The following FGF10 variants were observed in gnomAD, a reference collection of about 807,000 sequenced individuals.
FGF10 encodes the protein FGF-10.
A neutral mutation model predicts 19.8 loss-of-function variants in FGF10; 2 were observed. The ratio of observed to expected loss-of-function variants is 0.10; its 90% CI spans 0.04 to 0.32. FGF10 has a LOEUF of 0.32. FGF10 is among the 10% of genes least tolerant of loss of function. The pLI is 1.00. For synonymous variants in FGF10, 112 were observed against 94.0 expected, an observed-to-expected ratio of 1.19 and a Z score of -1.10; for missense variants, 191 against 246.3, an observed-to-expected ratio of 0.78 and a Z score of 1.50.
intron 1 of FGF10, among the ~76,000 whole-genome samples, chr5:44,381,357 A>G (rs1437049401): frequency 6.6e-6 from 1 of 152,208 alleles, no homozygotes; most frequent in Admixed American, 6.5e-5. Context: ...TACGCATCTG[A>G]AAATGTCTAG....
At position 44,353,035 on chromosome 5, in the gene FGF10, A is replaced by G. The variant is rs539879263; in HGVS notation, c.325+35323T>C. ...TGACACAATGCCATCTGTAGGTGCA[A>G]TGAAACCAAATAGTCTCTGTGTTCT... On this transcript the variant is annotated intron_variant, in intron 1 of 2. Transcript: ENST00000264664. Among the ~76,000 whole-genome samples, 10 of 151,758 alleles carry G rather than the reference A, an allele frequency of 6.6e-5. No homozygotes were observed. The South Asian group carries it at 2.1e-3, about 31-fold the overall frequency.
chr5:44,366,127 CTTTTTTTTTTTTT>C (rs35522683), intron 1 of FGF10, among the ~76,000 whole-genome samples: 1 of 74,824 alleles, frequency 1.3e-5, no homozygotes, highest in South Asian at 6.7e-4. Context: ...CAATTATTTC[CTTTTTTTTTTTTT>C]TTTTTTTTTT....
At chr5:44,327,431 T>C (rs776600617) in intron 1 of FGF10, among the ~76,000 whole-genome samples, 13 of 152,166 alleles carry the variant, frequency 8.5e-5, no homozygotes, top group Non-Finnish European at 1.3e-4. Context: ...TTACCCAAGT[T>C]TGCAGTCATA....
chr5:44,355,592 A>G (rs1741328369), intron 1 of FGF10, among the ~76,000 whole-genome samples: 1 of 151,408 alleles, frequency 6.6e-6, no homozygotes, highest in Non-Finnish European at 1.5e-5. Context: ...AGTGCAAAAC[A>G]AAGGAAGACT....
At chr5:44,366,127 C>CCTTTTTT (rs1554039043) in intron 1 of FGF10, among the ~76,000 whole-genome samples, 1 of 74,810 alleles carries the variant, frequency 1.3e-5, no homozygotes, top group African/African-American at 5.1e-5. Flanking sequence ...CAATTATTTC[C>CCTTTTTT]TTTTTTTTTT....
At chr5:44,342,924 A>G (rs1404112700) in intron 1 of FGF10, among the ~76,000 whole-genome samples, 3 of 151,944 alleles carry the variant, frequency 2.0e-5, no homozygotes, top group African/African-American at 7.2e-5. Flanking sequence ...AATGCATCAC[A>G]TAGTTTGGTA....
rs1457591487 is a variant in FGF10, at chr5:44,302,053, G to A, written c.*2942C>T. ...GGGCCTGGGACCATACTCCTACAGA[G>A]GCAGATCTCTCAATAGCTCCAATTT... On this transcript the variant is annotated 3_prime_UTR_variant, in exon 3 of 3. Transcript: ENST00000264664. Among the ~76,000 whole-genome samples the A allele has an allele frequency of 6.6e-6, 1 of 151,740 alleles. No homozygotes were observed. Among genetic ancestry groups the A allele is most frequent in the Non-Finnish European group, 1.5e-5 (1 of 67,964 alleles).
At chr5:44,356,902 TGA>T (rs1261770867) in intron 1 of FGF10, among the ~76,000 whole-genome samples, 1 of 151,152 alleles carries the variant, frequency 6.6e-6, no homozygotes, top group East Asian at 2.0e-4. Flanking sequence ...CAGAATGAGG[TGA>T]GAGAGAAAAG....
In FGF10 at chr5:44,373,136, C is replaced by T. The variant is rs1741779513; in HGVS notation, c.325+15222G>A. ...CAACATTCTCAAAAACTCTGTGGTC[C>T]TCCCATGTATGTCACAGGGATTCAT... On this transcript the variant is annotated intron_variant, in intron 1 of 2. Transcript: ENST00000264664. Among the ~76,000 whole-genome samples the T allele has an allele frequency of 3.3e-5, 5 of 152,268 alleles. No individual in the cohort carries two copies. In the South Asian group the frequency reaches 1.0e-3, roughly 32 times the overall value.
intron 1 of FGF10, among the ~76,000 whole-genome samples, chr5:44,337,938 T>C (rs1740890365): frequency 6.6e-6 from 1 of 151,742 alleles, no homozygotes; most frequent in African/African-American, 2.4e-5. Flanking sequence ...AGACTCTGTC[T>C]CAGAAAAAAA....
intron 1 of FGF10, among the ~76,000 whole-genome samples, chr5:44,345,494 T>C (rs1440796994): frequency 2.0e-5 from 3 of 151,802 alleles, no homozygotes; most frequent in Non-Finnish European, 1.5e-5. Context: ...TGCAACATGC[T>C]TGGGGATCTC....
rs1390755449 is a variant in FGF10 at position 44,302,314 on chromosome 5, CCTTCCTTCCTTCCTTCCTGT to C, written c.*2661_*2680del. ...TCCTTCCTTCCTTCCTTCCTTCCTT[CCTTCCTTCCTTCCTTCCTGT>C]CTTTCTGTCTTTTCTCTCTTTCTTT... On this transcript the variant is annotated 3_prime_UTR_variant, in exon 3 of 3. Transcript: ENST00000264664. Among the ~76,000 whole-genome samples the C allele has an allele frequency of 6.8e-6, 1 of 147,208 alleles. No individual in the cohort carries two copies. Among genetic ancestry groups the C allele is most frequent in the African/African-American group, 2.5e-5 (1 of 39,272 alleles).
At chr5:44,383,987 G>A (rs1742044317) in intron 1 of FGF10, among the ~76,000 whole-genome samples, 1 of 151,984 alleles carries the variant, frequency 6.6e-6, no homozygotes. Context: ...AATAATCCCA[G>A]ATAATAATCT....
chr5:44,354,950 C>T (rs17227745), intron 1 of FGF10, among the ~76,000 whole-genome samples: 1,989 of 151,510 alleles, frequency 0.013, 83 homozygotes, highest in East Asian at 0.12. Flanking sequence ...CATTATAATA[C>T]CAGTTCCCTT....
intron 1 of FGF10, among the ~76,000 whole-genome samples, chr5:44,379,379 C>T (rs1046700224): frequency 6.6e-6 from 1 of 152,190 alleles, no homozygotes; most frequent in Admixed American, 6.5e-5. Context: ...TATACGATCT[C>T]ATTTCATCTT....
chr5:44,306,205 G>C (rs1339311083), intron 2 of FGF10, among the ~76,000 whole-genome samples: 2 of 152,112 alleles, frequency 1.3e-5, no homozygotes, highest in African/African-American at 4.8e-5. Context: ...AGACCAGCCT[G>C]GCCAACATGG....
At chr5:44,338,672 T>G (rs1420825256) in intron 1 of FGF10, among the ~76,000 whole-genome samples, 1 of 152,168 alleles carries the variant, frequency 6.6e-6, no homozygotes, top group East Asian at 1.9e-4. Context: ...TTCTAACAAA[T>G]GTATCTCCCC....
intron 1 of FGF10, among the ~76,000 whole-genome samples, chr5:44,342,539 A>G (rs1740993783): frequency 6.6e-6 from 1 of 151,394 alleles, no homozygotes; most frequent in South Asian, 2.1e-4. Context: ...ACCAGAATTC[A>G]TTTTTCAAAG....
chr5:44,329,742 T>C (rs1036789318), intron 1 of FGF10, among the ~76,000 whole-genome samples: 21 of 152,146 alleles, frequency 1.4e-4, no homozygotes, highest in Non-Finnish European at 3.1e-4. Flanking sequence ...AAAACAGCTG[T>C]TTTAGGTGGC....
Sources: allele counts gnomAD v4.1 joint callset (sites outside exome capture counted in the v4.1 genomes callset), GRCh38; gene constraint gnomAD v4.1.1; transcripts MANE v1.5; gene names NCBI Gene and HGNC (gene_info 2026-07-23, HGNC 2026-07-21).